The following PANK4 variants were observed in gnomAD, a reference collection of about 807,000 sequenced individuals.
PANK4 encodes pantothenate kinase 4 (inactive).
A neutral mutation model predicts 87.9 loss-of-function variants in PANK4; 40 were observed. The ratio of observed to expected loss-of-function variants is 0.46; its 90% confidence interval spans 0.35 to 0.59. The LOEUF (loss-of-function observed/expected upper bound fraction) is 0.59. Ranked by LOEUF, PANK4 falls within the 20% of genes least tolerant of loss-of-function variation. The pLI, the probability that PANK4 is intolerant of heterozygous loss-of-function variation, is 0.00. For synonymous variants in PANK4, 524 were observed against 467.4 expected, an observed-to-expected ratio of 1.12 and a Z score of -1.56; for missense variants, 926 against 1,072.3, an observed-to-expected ratio of 0.86 and a Z score of 1.90.
At position 2,508,970 on chromosome 1, in the gene PANK4, G is replaced by C; in HGVS notation, c.2199C>G (p.Asn733Lys). The C allele has an allele frequency of 6.2e-7, 1 of 1,610,186 alleles. No individual in the cohort carries two copies. Among genetic ancestry groups the C allele is most frequent in the Non-Finnish European group, 8.5e-7 (1 of 1,179,378 alleles). The change falls in exon 19 of 19, where the codon AAC (asparagine) becomes AAG (lysine). Residue 733 changes from asparagine to lysine, a missense_variant. By Grantham distance (94) the Asn-to-Lys change is moderately conservative. Coordinates refer to ENST00000378466, the MANE Select transcript of PANK4 (RefSeq NM_018216.4). This position sits in a 1 kb window ranked among gnomAD's most constrained non-coding sequence, Gnocchi z 5.1. ...TCTCGCAGCGCAGGGCTGCGTGGTA[G>C]TTTGTGTGGACAGCACGGCCCATGC... The part of the protein sequence containing the change: ...IEGMGRAVHT[N>K]YHAALRCESL...
At chr1:2,523,552 T>C (rs1643895593) in intron 1 of PANK4, among the ~76,000 whole-genome samples, 1 of 152,106 alleles carries the variant, frequency 6.6e-6, no homozygotes, top group South Asian at 2.1e-4. Flanking sequence ...TTGTGTTAAA[T>C]ACATGCCCAA....
In PANK4 at chr1:2,514,101, C is replaced by T; in HGVS notation, c.1488-12G>A. 1 of 1,605,664 alleles carries T rather than the reference C, an allele frequency of 6.2e-7. No individual in the cohort carries two copies. Among genetic ancestry groups the T allele is most frequent in the Non-Finnish European group, 8.5e-7 (1 of 1,173,678 alleles). ...GGGTCCCATAGGCGCTGGGGACAGA[C>T]ACGGCAGAGGGCGCTGAGCAGGGCA... is the stretch of plus-strand genomic sequence containing the variant. On this transcript the variant is annotated splice_polypyrimidine_tract_variant and intron_variant, in intron 11 of 18. Transcript: ENST00000378466.
rs749756644 is a variant in PANK4 at position 2,518,167 on chromosome 1, G to A, written c.1215C>T (p.Gly405=). The A allele has an allele frequency of 7.5e-6, 12 of 1,599,716 alleles. No individual in the cohort carries two copies. The highest frequency in any genetic ancestry group is 9.4e-6 in the Non-Finnish European group (11 of 1,174,936). ...ELGPAQRARS[G]TFDLLEMDRL... is the part of the protein sequence containing the mutation. Reference sequence around the variant, plus strand: ...GCGGCCAGAGCCCACTACTCACAGTGCCACTCCGCGCCCGCTGCGCCGGGC... The same window carrying A: ...GCGGCCAGAGCCCACTACTCACAGTACCACTCCGCGCCCGCTGCGCCGGGC... The change falls in exon 9 of 19, where the codon GGC becomes GGT. Residue 405 remains glycine (G), a synonymous_variant. Transcript: ENST00000378466.
In PANK4 at chr1:2,519,127, G is replaced by C. The variant is rs1345797566; in HGVS notation, c.1035+16C>G. 6.2e-7 allele frequency: 1 copy of C among 1,606,264 alleles called. No individual in the cohort carries two copies. The highest frequency in any genetic ancestry group is 2.2e-5 in the East Asian group (1 of 44,754). The stretch of plus-strand genomic sequence containing the variant: ...GGGTCTGCGTTAGAGGCTGGGGAGG[G>C]CGGCGCATCCGTTACCTTGGAGAAG... On this transcript the variant is annotated intron_variant, in intron 7 of 18. Coordinates refer to ENST00000378466, the MANE Select transcript of PANK4 (RefSeq NM_018216.4). This position sits in a 1 kb window ranked among gnomAD's most constrained non-coding sequence, Gnocchi z 8.3.
chr1:2,513,691 C>T (rs1370573429), intron 12 of PANK4, among the ~76,000 whole-genome samples: 1 of 152,228 alleles, frequency 6.6e-6, no homozygotes. Flanking sequence ...AGGCCCTTGG[C>T]TCCTGCAGGC....
chr1:2,520,980 G>T lies in PANK4; in HGVS notation c.423-74C>A. ...GCAACCATGCAAGCCTGCCTGGTCC[G>T]AAGGGGCAGCCATGCCCCATGCGCA... is the stretch of plus-strand genomic sequence containing the variant. On this transcript the variant is annotated intron_variant, in intron 3 of 18. Coordinates refer to ENST00000378466, the MANE Select transcript of PANK4 (RefSeq NM_018216.4). The surrounding 1 kb of genome is among the most constrained non-coding windows in gnomAD (Gnocchi z 6.2). The T allele has an allele frequency of 6.6e-7, 1 of 1,523,816 alleles. No individual in the cohort carries two copies. The allele number at this position is 1,523,816 out of a possible 1,614,324, so 94.4% of individuals were successfully genotyped here.
Position 2,508,689 on chromosome 1 carries a change from G to A in PANK4, c.*158C>T, listed in dbSNP as rs1226405634. The A allele has an allele frequency of 1.4e-5, 8 of 583,512 alleles. No individual in the cohort carries two copies. The highest frequency in any genetic ancestry group is 3.7e-5 in the African/African-American group (2 of 53,522). 36.1% of individuals were successfully genotyped at this position (583,512 alleles called of 1,614,324 possible). On this transcript the variant is annotated 3_prime_UTR_variant, in exon 19 of 19. Coordinates refer to ENST00000378466, the MANE Select transcript of PANK4 (RefSeq NM_018216.4). This position sits in a 1 kb window ranked among gnomAD's most constrained non-coding sequence, Gnocchi z 5.1. ...TGAACGTCTCCCAGGACAAAGCTGC[G>A]TCTCGCCTCTGGGTCACACGCATCT...
In PANK4 at chr1:2,526,487, G is replaced by T; in HGVS notation, c.101C>A (p.Ala34Asp). The change falls in exon 1 of 19, where the codon GCC becomes GAC. Residue 34 changes from alanine (A) to aspartate (D), a missense_variant. Ala to Asp is a moderately radical substitution (Grantham distance 126). Coordinates refer to ENST00000378466, the MANE Select transcript of PANK4 (RefSeq NM_018216.4). ...ACCTATGTCGATGGCGAAGCGCTTG[G>T]CGTTCTCCAGGTTGCGGAAGATCTC... Reference protein sequence around the residue: ...PDEIFRNLENAKRFAIDIGGS... With the variant: ...PDEIFRNLENDKRFAIDIGGS... 1 of 1,577,178 alleles carries T rather than the reference G, an allele frequency of 6.3e-7. No individual in the cohort carries two copies. The highest frequency in any genetic ancestry group is 8.6e-7 in the Non-Finnish European group (1 of 1,164,002).
At position 2,509,129 on chromosome 1, in the gene PANK4, C is replaced by T. The variant is rs145894183; in HGVS notation, c.2109-69G>A. 336 of 1,243,848 alleles carry T rather than the reference C, an allele frequency of 2.7e-4. 1 individual carries two copies. The highest frequency in any genetic ancestry group is 1.1e-3 in the Middle Eastern group (4 of 3,682). The allele number at this position is 1,243,848 out of a possible 1,614,324, so 77.1% of individuals were successfully genotyped here. Reference sequence around the variant, plus strand: ...AGACCCCACTTCCCATACAGTGCGGCGACCAACGTGAAGGCTGAAACCCCT... The same window carrying T: ...AGACCCCACTTCCCATACAGTGCGGTGACCAACGTGAAGGCTGAAACCCCT... On this transcript the variant is annotated intron_variant, in intron 18 of 18. Transcript: ENST00000378466. This position sits in a 1 kb window ranked among gnomAD's most constrained non-coding sequence, Gnocchi z 4.9.
intron 1 of PANK4, among the ~76,000 whole-genome samples, chr1:2,522,754 T>TG (rs113297517): frequency 2.3e-3 from 123 of 52,710 alleles, no homozygotes; most frequent in Middle Eastern, 0.019. Context: ...GGGCACCGTG[T>TG]GTGTTATAGT....
Position 2,513,186 on chromosome 1 carries a change from G to A in PANK4, c.1576-147C>T, listed in dbSNP as rs547453239. The A allele has an allele frequency of 1.6e-4, 133 of 826,628 alleles. 2 individuals carry two copies. The African/African-American group carries it at 1.9e-3, about 12-fold the overall frequency. 51.2% of individuals were successfully genotyped at this position (826,628 alleles called of 1,614,324 possible). ...GGACCCCACCAGGCACAAGCCTATC[G>A]GTCCGGGACAGTGGCCAGCGCACAG... On this transcript the variant is annotated intron_variant, in intron 12 of 18. Transcript: ENST00000378466.
chr1:2,523,979 C>G (rs1483574760), intron 1 of PANK4, among the ~76,000 whole-genome samples: 3 of 152,190 alleles, frequency 2.0e-5, no homozygotes, highest in Non-Finnish European at 2.9e-5. Context: ...CTAGTTCTCC[C>G]TGTCCCACAG....
intron 1 of PANK4, chr1:2,522,084 G>T: frequency 2.0e-6 from 1 of 508,010 alleles, no homozygotes; most frequent in South Asian, 2.7e-5. Context: ...GCAGAGGAAA[G>T]GGAGAGCTGT....
At chr1:2,514,872 C>T (rs1196436558) in intron 10 of PANK4, among the ~76,000 whole-genome samples, 2 of 152,096 alleles carry the variant, frequency 1.3e-5, no homozygotes, top group Non-Finnish European at 2.9e-5. Context: ...GTCCCTCACC[C>T]CCCAGGAAAC....
Position 2,520,963 on chromosome 1 carries a change from G to T in PANK4, c.423-57C>A. On this transcript the variant is annotated intron_variant, in intron 3 of 18. Coordinates refer to ENST00000378466, the MANE Select transcript of PANK4 (RefSeq NM_018216.4). The surrounding 1 kb of genome is among the most constrained non-coding windows in gnomAD (Gnocchi z 6.2). ...CTGGGCCACAGACAGGTGCAACCAT[G>T]CAAGCCTGCCTGGTCCGAAGGGGCA... is the stretch of plus-strand genomic sequence containing the variant. 2 of 1,530,134 alleles carry T rather than the reference G, an allele frequency of 1.3e-6. No homozygotes were observed. Among genetic ancestry groups the T allele is most frequent in the East Asian group, 2.3e-5 (1 of 44,144 alleles). The allele number at this position is 1,530,134 out of a possible 1,614,324, so 94.8% of individuals were successfully genotyped here.
At chr1:2,518,455 C>T in intron 8 of PANK4, 61 bp downstream of exon 8, 1 of 1,435,602 alleles carries the variant, frequency 7.0e-7, no homozygotes, top group Admixed American at 2.0e-5. Context: ...TGGCCTGGAG[C>T]ACAGGCCCAG....
intron 9 of PANK4, 68 bp downstream of exon 9, chr1:2,518,096 G>T: frequency 1.1e-6 from 1 of 938,578 alleles, no homozygotes; most frequent in Non-Finnish European, 1.6e-6. Context: ...TTCGCTCAGG[G>T]ACAGGCGAGG....
Position 2,526,547 on chromosome 1 carries a change from T to C in PANK4, c.41A>G (p.Asp14Gly), listed in dbSNP as rs1322766534. The change falls in exon 1 of 19, where the codon GAC becomes GGC. Residue 14 changes from aspartate to glycine, a missense_variant. Physicochemically the swap from Asp to Gly is moderately conservative, Grantham distance 94 (BLOSUM62 -1). Transcript: ENST00000378466. ...CGASGSGSSG[D>G]SLDKSITLPP... ...CAGCGTGATGCTCTTGTCCAGACTG[T>C]CCCCGCTGCTCCCGCTGCCGCTCGC... The C allele has an allele frequency of 6.2e-7, 1 of 1,602,676 alleles. No homozygotes were observed. Among genetic ancestry groups the C allele is most frequent in the Non-Finnish European group, 8.5e-7 (1 of 1,175,248 alleles).
Position 2,519,120 on chromosome 1 carries a change from G to A in PANK4, c.1035+23C>T, listed in dbSNP as rs755737941. On this transcript the variant is annotated intron_variant, in intron 7 of 18. Transcript: ENST00000378466. This position sits in a 1 kb window ranked among gnomAD's most constrained non-coding sequence, Gnocchi z 8.3. ...TCCTGGGGGGTCTGCGTTAGAGGCT[G>A]GGGAGGGCGGCGCATCCGTTACCTT... 6.2e-7 allele frequency: 1 copy of A among 1,602,680 alleles called. No individual in the cohort carries two copies. Among genetic ancestry groups the A allele is most frequent in the South Asian group, 1.1e-5 (1 of 90,230 alleles).
Sources: gnomAD v4.1 joint callset for allele counts (sites outside exome capture counted in the v4.1 genomes callset) on GRCh38, gnomAD v4.1.1 for gene constraint, Gnocchi (gnomAD v3.1) non-coding constraint, MANE v1.5 for transcripts, NCBI Gene and HGNC (gene_info 2026-07-23, HGNC 2026-07-21) for gene names.